The following FRMD3 variants were observed in gnomAD, a reference collection of about 807,000 sequenced individuals.
FRMD3 encodes FERM domain containing 3.
FRMD3 carries 33 observed loss-of-function variants against 70.2 expected under a neutral mutation model. The ratio of observed to expected loss-of-function variants is 0.47; its 90% CI spans 0.36 to 0.63. The LOEUF (loss-of-function observed/expected upper bound fraction) is 0.63. FRMD3 is among the 20% of genes least tolerant of loss of function. The probability of loss-of-function intolerance (pLI) is 0.00; values close to 1 mark genes in which losing one functional copy is unlikely to be tolerated. For missense variants in FRMD3, 632 were observed against 711.4 expected (o/e 0.89, Z 1.27); for synonymous variants, 279 against 255.9 (o/e 1.09, Z -0.86).
intron 3 of FRMD3, among the ~76,000 whole-genome samples, chr9:83,358,651 C>G (rs1171579671): frequency 2.0e-5 from 3 of 150,452 alleles, no homozygotes; most frequent in Non-Finnish European, 4.4e-5. Context: ...CTTTCACCTC[C>G]TTGGTTAGGT....
chr9:83,487,773 T>C (rs1211216613), intron 1 of FRMD3, among the ~76,000 whole-genome samples: 1 of 152,202 alleles, frequency 6.6e-6, no homozygotes, highest in Non-Finnish European at 1.5e-5. Flanking sequence ...TTTGAGAAGA[T>C]GTCCCAGGGT....
upstream of FRMD3, among the ~76,000 whole-genome samples, chr9:83,540,325 G>A (rs1829985304): frequency 6.6e-6 from 1 of 152,138 alleles, no homozygotes; most frequent in Non-Finnish European, 1.5e-5. Context: ...GTGACCGTTA[G>A]GCTCCAAAAG....
intron 5 of FRMD3, among the ~76,000 whole-genome samples, chr9:83,336,833 C>T (rs1823597215): frequency 6.6e-6 from 1 of 151,518 alleles, no homozygotes; most frequent in Non-Finnish European, 1.5e-5. Flanking sequence ...GAAACCAGCC[C>T]TTCTGAAAGA....
chr9:83,313,736 G>T lies in FRMD3; in HGVS notation c.608C>A (p.Pro203Gln). The change falls in exon 7 of 14, where the codon CCA (proline) becomes CAA (glutamine). Residue 203 changes from proline to glutamine, a missense_variant. Physicochemically the swap from Pro to Gln is moderately conservative, Grantham distance 76. This residue lies in a region of FRMD3 where 208 missense variants were observed against 247.7 expected (regional missense o/e 0.84). Transcript: ENST00000304195. ...IHKNELRGQS[P>Q]PVAEFNLLLK... ...GAGCAAGTTAAATTCAGCAACTGGT[G>T]GGCTCTGCCCCCTAAAATCACACAA... The T allele has an allele frequency of 6.2e-7, 1 of 1,613,916 alleles. No individual in the cohort carries two copies. The highest frequency in any genetic ancestry group is 2.2e-5 in the East Asian group (1 of 44,882).
intron 3 of FRMD3, 69 bp downstream of exon 3, chr9:83,372,844 G>C (rs931064412): frequency 7.2e-7 from 1 of 1,388,076 alleles, no homozygotes; most frequent in Non-Finnish European, 1.0e-6. Flanking sequence ...GCAGGAGAAA[G>C]TTTGTCAGGG....
chr9:83,536,930 TAAAAAAAAA>T (rs142272516), intron 1 of FRMD3, among the ~76,000 whole-genome samples: 1 of 60,892 alleles, frequency 1.6e-5, no homozygotes, highest in Non-Finnish European at 3.2e-5. Flanking sequence ...TGTATTACAC[TAAAAAAAAA>T]AAAAAAAAAA....
chr9:83,478,846 T>A (rs1284481268), intron 1 of FRMD3, among the ~76,000 whole-genome samples: 3 of 152,098 alleles, frequency 2.0e-5, no homozygotes, highest in Admixed American at 6.6e-5. Flanking sequence ...GAGTAAGGCA[T>A]CTCCCTCAGT....
chr9:83,369,577 AAAAT>A (rs138276429), intron 3 of FRMD3, among the ~76,000 whole-genome samples: 12,591 of 142,050 alleles, frequency 0.089, 577 homozygotes, highest in South Asian at 0.14. Context: ...ACTCTGTCTC[AAAAT>A]AAATAAATAA....
intron 3 of FRMD3, among the ~76,000 whole-genome samples, chr9:83,354,443 C>A (rs150336598): frequency 2.0e-5 from 3 of 152,004 alleles, no homozygotes; most frequent in African/African-American, 7.3e-5. Context: ...GAAGTGGGAG[C>A]GAAACATTGG....
intron 3 of FRMD3, among the ~76,000 whole-genome samples, chr9:83,370,932 T>A (rs994147621): frequency 7.6e-6 from 1 of 131,486 alleles, no homozygotes; most frequent in Admixed American, 8.2e-5. Flanking sequence ...TGCATTTTAG[T>A]TGGTTGTTCA....
At chr9:83,322,555 T>C (rs1440516817) in intron 6 of FRMD3, among the ~76,000 whole-genome samples, 1 of 152,188 alleles carries the variant, frequency 6.6e-6, no homozygotes, top group Non-Finnish European at 1.5e-5. Flanking sequence ...GCTCTCAAAA[T>C]GTTGCCCAGC....
intron 1 of FRMD3, among the ~76,000 whole-genome samples, chr9:83,511,320 G>A (rs1160774884): frequency 6.6e-6 from 1 of 152,184 alleles, no homozygotes; most frequent in Non-Finnish European, 1.5e-5. Flanking sequence ...CAGAGAGAAA[G>A]CAGTGAAGCT....
intron 1 of FRMD3, among the ~76,000 whole-genome samples, chr9:83,437,163 C>A (rs1420647680): frequency 6.6e-6 from 1 of 152,190 alleles, no homozygotes; most frequent in Non-Finnish European, 1.5e-5. Context: ...CTCGGCTTGA[C>A]TTAATATTTG....
At chr9:83,268,744 G>C (rs1483882934) in intron 13 of FRMD3, among the ~76,000 whole-genome samples, 1 of 152,204 alleles carries the variant, frequency 6.6e-6, no homozygotes, top group African/African-American at 2.4e-5. Context: ...GGCTGAGGTG[G>C]GGCAGGCCAT....
intron 13 of FRMD3, among the ~76,000 whole-genome samples, chr9:83,269,016 C>G (rs1833411437): frequency 6.6e-6 from 1 of 152,240 alleles, no homozygotes; most frequent in Non-Finnish European, 1.5e-5. Context: ...ACCTCCCTCA[C>G]TAGTCACCAA....
At chr9:83,279,110 C>G (rs1188873741) in intron 13 of FRMD3, 5 of 150,358 alleles carry the variant, frequency 3.3e-5, no homozygotes, top group African/African-American at 1.3e-4. Flanking sequence ...TTCCGATTAT[C>G]AAGTGAGTCA....
At chr9:83,359,478 G>A (rs750954943) in intron 3 of FRMD3, among the ~76,000 whole-genome samples, 1 of 152,140 alleles carries the variant, frequency 6.6e-6, no homozygotes, top group African/African-American at 2.4e-5. Context: ...CAACCACAGA[G>A]AGCAGGGCAT....
intron 1 of FRMD3, among the ~76,000 whole-genome samples, chr9:83,407,873 C>CTCTCTCTCTCTCTCT (rs1564062738): frequency 1.1e-5 from 1 of 91,896 alleles, no homozygotes; most frequent in Non-Finnish European, 2.0e-5. Flanking sequence ...CTCTCTCTCT[C>CTCTCTCTCTCTCTCT]ATCTTTCTCT....
chr9:83,566,546 T>C, the FRMD3 span, among the ~76,000 whole-genome samples: 121,050 of 152,138 alleles, frequency 0.8, 48,530 homozygotes, highest in African/African-American at 0.9. Flanking sequence ...TGAGACAAAG[T>C]AAGACCCTTC....
Sources: gnomAD v4.1 joint callset for allele counts (sites outside exome capture counted in the v4.1 genomes callset) on GRCh38, gnomAD v4.1.1 for gene constraint, gnomAD v4.1.1 regional missense constraint, MANE v1.5 for transcripts, NCBI Gene and HGNC (gene_info 2026-07-23, HGNC 2026-07-21) for gene names.